The following NEK10 variants were observed in gnomAD, a reference collection of about 807,000 sequenced individuals.
NEK10 encodes the protein serine/threonine-protein kinase Nek10.
A neutral mutation model predicts 159.8 loss-of-function variants in NEK10; 122 were observed. That is an observed-to-expected ratio of 0.76 (90% confidence interval 0.66 to 0.89). The LOEUF (loss-of-function observed/expected upper bound fraction) is 0.89. NEK10 is among the 40% of genes least tolerant of loss of function. NEK10 has a pLI of 0.00. For synonymous variants in NEK10, 466 were observed against 457.1 expected (o/e 1.02, Z -0.25); for missense variants, 1,342 against 1,323.1 (o/e 1.01, Z -0.22).
chr3:27,232,542 T>A (rs1953412019), intron 23 of NEK10, among the ~76,000 whole-genome samples: 1 of 145,876 alleles, frequency 6.9e-6, no homozygotes, highest in Admixed American at 7.2e-5. Context: ...TCATCATTCT[T>A]CACAGAATTA....
intron 29 of NEK10, among the ~76,000 whole-genome samples, chr3:27,166,882 C>T (rs1276876257): frequency 6.6e-6 from 1 of 152,088 alleles, no homozygotes; most frequent in African/African-American, 2.4e-5. Context: ...ACCGCTGGAA[C>T]CCAGCAGGCC....
At position 27,171,854 on chromosome 3, in the gene NEK10, A is replaced by G. The variant is rs772694222; in HGVS notation, c.2796T>C (p.Phe932=). Residue 932 remains phenylalanine (F), a synonymous_variant, in exon 29 of 36, where the codon TTT becomes TTC. Coordinates refer to ENST00000691995, the MANE Select transcript of NEK10 (RefSeq NM_001394966.1). ...ATTGTCTTTCTCCTCCTGAAGCACT[A>G]AAACTTCTCTTTAAAATGTCTGAGA... The part of the protein sequence containing the change: ...ESTFNILKRS[F]SASGGERQSQ... 4 of 1,613,630 alleles carry G rather than the reference A, an allele frequency of 2.5e-6. No homozygotes were observed. Among genetic ancestry groups the G allele is most frequent in the Non-Finnish European group, 3.4e-6 (4 of 1,179,748 alleles).
In NEK10 at chr3:27,283,949, T is replaced by C. The variant is rs140080652; in HGVS notation, c.2014+653A>G. On this transcript the variant is annotated intron_variant, in intron 22 of 35. Coordinates refer to ENST00000691995, the MANE Select transcript of NEK10 (RefSeq NM_001394966.1). ...ACAGTAAGAAAAAACCTGAAAACCA[T>C]TGATTTTGGAATTAAATACTTAAGT... Among the ~76,000 whole-genome samples, 450 of 152,290 alleles carry C rather than the reference T, an allele frequency of 3.0e-3. 4 individuals are homozygous for C. The highest frequency in any genetic ancestry group is 0.011 in the African/African-American group (437 of 41,550).
At chr3:27,198,099 C>G (rs966015804) in intron 25 of NEK10, among the ~76,000 whole-genome samples, 2 of 151,956 alleles carry the variant, frequency 1.3e-5, no homozygotes, top group Non-Finnish European at 2.9e-5. Flanking sequence ...ACAGAGAGAA[C>G]TAGAAAACAC....
intron 23 of NEK10, among the ~76,000 whole-genome samples, chr3:27,205,975 TA>T (rs200243520): frequency 0.21 from 31,496 of 151,442 alleles, 3,223 homozygotes; most frequent in African/African-American, 0.24. Context: ...AAAGGGCTAA[TA>T]TCCAGAATCT....
chr3:27,118,192 C>T (rs1940761198), intron 33 of NEK10, among the ~76,000 whole-genome samples: 1 of 152,160 alleles, frequency 6.6e-6, no homozygotes. Flanking sequence ...TGTTTTTGTA[C>T]CAGTCCATGC....
chr3:27,122,523 C>G (rs939387159), intron 32 of NEK10, among the ~76,000 whole-genome samples: 1 of 152,150 alleles, frequency 6.6e-6, no homozygotes, highest in Non-Finnish European at 1.5e-5. Context: ...GGAGGTAGCC[C>G]TGAGCATTCT....
chr3:27,120,550 G>A (rs537505919), intron 32 of NEK10, among the ~76,000 whole-genome samples: 6 of 151,428 alleles, frequency 4.0e-5, no homozygotes, highest in South Asian at 2.1e-4. Flanking sequence ...GGCTGGTCTC[G>A]AACTCCTGAC....
chr3:27,334,271 C>T (rs952409293), intron 5 of NEK10, among the ~76,000 whole-genome samples: 1 of 152,198 alleles, frequency 6.6e-6, no homozygotes, highest in East Asian at 1.9e-4. Flanking sequence ...CAGCCACCAC[C>T]AACACCAGCA....
chr3:27,358,451 C>G (rs141807933), intron 1 of NEK10, among the ~76,000 whole-genome samples: 1 of 152,106 alleles, frequency 6.6e-6, no homozygotes, highest in Non-Finnish European at 1.5e-5. Flanking sequence ...TTAAAAGAAA[C>G]TCTCAGAAGT....
At chr3:27,364,434 G>A (rs2048916393) in intron 1 of NEK10, among the ~76,000 whole-genome samples, 1 of 149,892 alleles carries the variant, frequency 6.7e-6, no homozygotes, top group Non-Finnish European at 1.5e-5. Flanking sequence ...CACCATGTTG[G>A]CCAGGCTGGT....
At chr3:27,206,208 CTA>C (rs1312628661) in intron 23 of NEK10, among the ~76,000 whole-genome samples, 1 of 152,072 alleles carries the variant, frequency 6.6e-6, no homozygotes. Flanking sequence ...TGAAACACTG[CTA>C]TGTTTTTCAC....
At chr3:27,354,256 C>G (rs79598476) in intron 1 of NEK10, among the ~76,000 whole-genome samples, 1 of 152,130 alleles carries the variant, frequency 6.6e-6, no homozygotes, top group Non-Finnish European at 1.5e-5. Context: ...AAGGGGATCG[C>G]GTTTACCACT....
intron 6 of NEK10, among the ~76,000 whole-genome samples, chr3:27,321,112 G>T (rs567775869): frequency 3.3e-5 from 5 of 151,740 alleles, no homozygotes; most frequent in African/African-American, 1.2e-4. Flanking sequence ...TTAAAGGTGT[G>T]AGCTTCCTAG....
chr3:27,258,052 T>C (rs779675557), intron 22 of NEK10, among the ~76,000 whole-genome samples: 47 of 152,056 alleles, frequency 3.1e-4, no homozygotes, highest in Non-Finnish European at 5.7e-4. Context: ...CACCTCAGCC[T>C]CCCAAAGTGC....
chr3:27,308,360 G>A (rs1177238776), intron 10 of NEK10, among the ~76,000 whole-genome samples: 1 of 152,094 alleles, frequency 6.6e-6, no homozygotes, highest in Non-Finnish European at 1.5e-5. Context: ...AGATTTGGTT[G>A]GGGACACAAA....
At chr3:27,160,841 G>A (rs1413705539) in intron 30 of NEK10, among the ~76,000 whole-genome samples, 1 of 152,120 alleles carries the variant, frequency 6.6e-6, no homozygotes, top group Non-Finnish European at 1.5e-5. Flanking sequence ...AGGAGGAGGA[G>A]GCTTCAGTGA....
At chr3:27,264,737 C>T (rs1559388265) in intron 22 of NEK10, among the ~76,000 whole-genome samples, 1 of 151,638 alleles carries the variant, frequency 6.6e-6, no homozygotes, top group Non-Finnish European at 1.5e-5. Context: ...ACTAAAAATG[C>T]AAAAAAATTA....
chr3:27,210,388 C>T (rs962639106), intron 23 of NEK10, among the ~76,000 whole-genome samples: 3 of 152,110 alleles, frequency 2.0e-5, no homozygotes, highest in Non-Finnish European at 2.9e-5. Context: ...CCTCATGATG[C>T]ACTAGATCAT....
Sources: gnomAD v4.1 joint callset for allele counts (sites outside exome capture counted in the v4.1 genomes callset) on GRCh38, gnomAD v4.1.1 for gene constraint, MANE v1.5 for transcripts, NCBI Gene and HGNC (gene_info 2026-07-23, HGNC 2026-07-21) for gene names.